Variants in ZDHHC24 observed in about 807,000 individuals in gnomAD.
ZDHHC24 encodes the protein zDHHC palmitoyltransferase 24.
ZDHHC24 carries 17 observed loss-of-function variants against 23.2 expected under a neutral mutation model. That is an observed-to-expected ratio of 0.73 (90% CI 0.50 to 1.10). The LOEUF (loss-of-function observed/expected upper bound fraction) is 1.10. Among genes scored for constraint, ZDHHC24 ranks in the 50% least tolerant of loss-of-function variants. The pLI is 0.00. For synonymous variants in ZDHHC24, 186 were observed against 194.5 expected, an observed-to-expected ratio of 0.96 and a Z score of 0.36; for missense variants, 366 against 393.0, an observed-to-expected ratio of 0.93 and a Z score of 0.58.
chr11:66,521,418 A>C (rs771843780), exon 5 of ZDHHC24: 13 of 1,511,992 alleles, frequency 8.6e-6, no homozygotes, highest in African/African-American at 1.4e-5. Flanking sequence ...GGAACATCTC[A>C]GAAAACTGGT....
At chr11:66,532,604 TCCCCAGG>T, downstream of ZDHHC24, 1 of 155,054 alleles carries the variant, frequency 6.4e-6, no homozygotes, top group Non-Finnish European at 1.4e-5. Flanking sequence ...AGCCCTCCTC[TCCCCAGG>T]AAACTTCTCT....
intron 2 of ZDHHC24, among the ~76,000 whole-genome samples, chr11:66,543,495 A>G (rs533471077): frequency 1.2e-4 from 18 of 152,204 alleles, no homozygotes; most frequent in East Asian, 5.8e-4. Context: ...GAATCTCCCA[A>G]TTCTCCAGCC....
chr11:66,540,693 A>G (rs1590793641), intron 2 of ZDHHC24, among the ~76,000 whole-genome samples: 1 of 150,638 alleles, frequency 6.6e-6, no homozygotes. Context: ...GCGCCATTGC[A>G]CTCCAGCCTG....
At chr11:66,533,401 C>G (rs1461041053), downstream of ZDHHC24, 1 of 152,206 alleles carries the variant, frequency 6.6e-6, no homozygotes, top group Non-Finnish European at 1.5e-5. Context: ...TTATATGACT[C>G]TTGCTTGATA....
In ZDHHC24 at chr11:66,539,531, A is replaced by G; in HGVS notation, c.853T>C (p.Ter285ArgextTer58). The stretch of plus-strand genomic sequence containing the variant: ...CACAGCTCTGGCTCTTCCTGGAGTC[A>G]GGAGGCTGTGTGTCCCACATCTGCT... ...TTADVGHTAS[*>R] The change falls in exon 3 of 3, where the codon TGA becomes CGA. Residue 285 changes from the stop codon to arginine, a stop_lost. Coordinates refer to ENST00000310442, the MANE Select transcript of ZDHHC24 (RefSeq NM_207340.3). 6.4e-7 allele frequency: 1 copy of G among 1,557,438 alleles called. No homozygotes were observed.
At chr11:66,533,285 G>A (rs1258026226), downstream of ZDHHC24, 1 of 152,162 alleles carries the variant, frequency 6.6e-6, no homozygotes, top group Non-Finnish European at 1.5e-5. Context: ...ACTTACTAAT[G>A]TGGAATTACA....
chr11:66,542,317 G>A (rs1857173855), intron 2 of ZDHHC24, among the ~76,000 whole-genome samples: 2 of 152,154 alleles, frequency 1.3e-5, no homozygotes, highest in South Asian at 4.1e-4. Context: ...TCAGCAGCCA[G>A]AGGCAGACAC....
At chr11:66,541,124 G>T (rs952687824) in intron 2 of ZDHHC24, among the ~76,000 whole-genome samples, 2 of 152,128 alleles carry the variant, frequency 1.3e-5, no homozygotes, top group African/African-American at 4.8e-5. Context: ...AAAATGGGCC[G>T]GGTGTGGTGG....
chr11:66,542,238 C>T lies in ZDHHC24; in HGVS notation c.559+1466G>A, dbSNP rs113047004. The stretch of plus-strand genomic sequence containing the variant: ...GGGAAGGCCAGGCATAGCCGAGGGC[C>T]TGCTGAGGTCAGCAGCCATGAACAT... On this transcript the variant is annotated intron_variant, in intron 2 of 2. Coordinates refer to ENST00000310442, the MANE Select transcript of ZDHHC24 (RefSeq NM_207340.3). Among the ~76,000 whole-genome samples the T allele has an allele frequency of 8.8e-3, 1,333 of 152,168 alleles. 21 individuals carry two copies. The highest frequency in any genetic ancestry group is 0.03 in the African/African-American group (1,240 of 41,528).
rs1273184982 is a variant in ZDHHC24 at position 66,535,702 on chromosome 11, A to G, written c.*3827T>C. Among the ~76,000 whole-genome samples the G allele has an allele frequency of 6.6e-6, 1 of 152,198 alleles. No individual in the cohort carries two copies. Among genetic ancestry groups the G allele is most frequent in the Non-Finnish European group, 1.5e-5 (1 of 68,040 alleles). On this transcript the variant is annotated 3_prime_UTR_variant, in exon 3 of 3. Coordinates refer to ENST00000310442, the MANE Select transcript of ZDHHC24 (RefSeq NM_207340.3). ...ACCCTGCTCATGAATGGGAAAATTC[A>G]ATTTTACACAGGTGCTGATTTTATC...
At position 66,521,253 on chromosome 11, in the gene ZDHHC24, G is replaced by T. The variant is rs749879220; in HGVS notation, c.*235C>A. On this transcript the variant is annotated 3_prime_UTR_variant, in exon 5 of 5. Coordinates refer to the ZDHHC24 transcript ENST00000526986. ...GGGCTCCAGAGAAATTGGAGTGTTT[G>T]CGCTTCTTGTTTGCAGATGAGCCTT... 6 of 1,602,654 alleles carry T rather than the reference G, an allele frequency of 3.7e-6. No individual in the cohort carries two copies. The South Asian group carries it at 6.6e-5, about 18-fold the overall frequency.
intron 3 of ZDHHC24, chr11:66,528,991 G>GT (rs2134825727): frequency 1.9e-6 from 1 of 524,368 alleles, no homozygotes; most frequent in Admixed American, 6.7e-5. Context: ...AAAAAAAAAG[G>GT]AAGAAAATCA....
Position 66,545,958 on chromosome 11 carries a change from GC to G in ZDHHC24, c.45del (p.Gln16SerfsTer67). 2 of 1,436,346 alleles carry G rather than the reference GC, an allele frequency of 1.4e-6. No homozygotes were observed. Among genetic ancestry groups the G allele is most frequent in the Non-Finnish European group, 1.8e-6 (2 of 1,108,886 alleles). 89.0% of individuals were successfully genotyped at this position (1,436,346 alleles called of 1,614,324 possible). A position where few individuals can be genotyped will look rare whatever the true frequency, so the allele number is the denominator to read the frequency against. Reference sequence around the variant, plus strand: ...AGCGCGGTGAGCACGAGAGGCAGCTGCGCGGGCGCCCCGTCCGTGCTCCCAG... The same window carrying G: ...AGCGCGGTGAGCACGAGAGGCAGCTGGCGGGCGCCCCGTCCGTGCTCCCAG... ...WAAGSTDGAP[A>X]QLPLVLTALW... On this transcript the variant is annotated frameshift_variant, in exon 1 of 3. Transcript: ENST00000310442. LOFTEE classifies it high-confidence loss of function. The surrounding 1 kb of genome is among the most constrained non-coding windows in gnomAD (Gnocchi z 4.5).
chr11:66,539,452 G>C lies in ZDHHC24; in HGVS notation c.*77C>G, dbSNP rs530113395. The C allele has an allele frequency of 1.4e-6, 2 of 1,443,928 alleles. No individual in the cohort carries two copies. The highest frequency in any genetic ancestry group is 4.9e-5 in the East Asian group (2 of 40,480). 89.4% of individuals were successfully genotyped at this position (1,443,928 alleles called of 1,614,324 possible). On this transcript the variant is annotated 3_prime_UTR_variant, in exon 3 of 3. Transcript: ENST00000310442. ...CAATGCAGATGTTAAGGTCCAACCC[G>C]ACTTCCTTACTGAGTCTAGGTGTGG...
Position 66,545,028 on chromosome 11 carries a change from C to T in ZDHHC24, c.281+695G>A, listed in dbSNP as rs1857267788. On this transcript the variant is annotated intron_variant, in intron 1 of 2. Coordinates refer to ENST00000310442, the MANE Select transcript of ZDHHC24 (RefSeq NM_207340.3). The surrounding 1 kb of genome is among the most constrained non-coding windows in gnomAD (Gnocchi z 4.5). ...TATTTTTGTGATGAGAATTTACCAC[C>T]TGTTTATTTATGTATTTATTTATTT... Among the ~76,000 whole-genome samples, 1 of 151,946 alleles carries T rather than the reference C, an allele frequency of 6.6e-6. No homozygotes were observed. Among genetic ancestry groups the T allele is most frequent in the South Asian group, 2.1e-4 (1 of 4,824 alleles).
intron 2 of ZDHHC24, among the ~76,000 whole-genome samples, chr11:66,540,733 C>T (rs1337614860): frequency 2.6e-4 from 39 of 151,674 alleles, no homozygotes; most frequent in Admixed American, 2.6e-3. Flanking sequence ...AAAAAAAAGC[C>T]ATTCTCAGTT....
At position 66,537,662 on chromosome 11, in the gene ZDHHC24, C is replaced by T. The variant is rs536093008; in HGVS notation, c.*1867G>A. ...CATCCTGGCCGGCCAGGAGTGGTGG[C>T]TCACACCTGTAATCCCAGCACTTTG... On this transcript the variant is annotated 3_prime_UTR_variant, in exon 3 of 3. Transcript: ENST00000310442. 10 of 151,970 alleles carry T rather than the reference C, an allele frequency of 6.6e-5. No homozygotes were observed. The highest frequency in any genetic ancestry group is 3.9e-4 in the Admixed American group (6 of 15,236). 9.4% of individuals were successfully genotyped at this position (151,970 alleles called of 1,614,324 possible).
downstream of ZDHHC24, chr11:66,530,833 C>G: frequency 1.9e-6 from 3 of 1,610,092 alleles, no homozygotes; most frequent in Non-Finnish European, 2.6e-6. Flanking sequence ...GCAGAGCACA[C>G]TGTACTCCGT....
rs1856470556 is a variant in ZDHHC24, at chr11:66,525,975, A to G, written c.*21+961T>C. 1.5e-5 allele frequency: 11 copies of G among 712,530 alleles called. No individual in the cohort carries two copies. The East Asian group carries it at 2.8e-4, about 18-fold the overall frequency. The allele number at this position is 712,530 out of a possible 1,614,324, so 44.1% of individuals were successfully genotyped here. On this transcript the variant is annotated intron_variant, in intron 4 of 4. Transcript: ENST00000526986. Reference sequence around the variant, plus strand: ...TAGTGAGATTGGAGGGGAGATGAGAAATATAGGAAATATTTCAGAGGCAGC... The same window carrying G: ...TAGTGAGATTGGAGGGGAGATGAGAGATATAGGAAATATTTCAGAGGCAGC...
Sources: gnomAD v4.1 joint callset for allele counts (sites outside exome capture counted in the v4.1 genomes callset) on GRCh38, gnomAD v4.1.1 for gene constraint, Gnocchi (gnomAD v3.1) non-coding constraint, MANE v1.5 for transcripts, NCBI Gene and HGNC (gene_info 2026-07-23, HGNC 2026-07-21) for gene names.